ZNF438: variants seen among roughly 807,000 people sequenced by gnomAD.
ZNF438 encodes zinc finger protein 438.
Under a neutral mutation model 38.0 loss-of-function variants are expected in ZNF438, and 25 were observed. That is an observed-to-expected ratio of 0.66 (90% CI 0.48 to 0.92). The LOEUF is 0.92. Ranked by LOEUF, ZNF438 falls within the 40% of genes least tolerant of loss-of-function variation. ZNF438 has a pLI of 0.00. For synonymous variants in ZNF438, 372 were observed against 364.1 expected (o/e 1.02, Z -0.25); for missense variants, 1,007 against 999.6 (o/e 1.01, Z -0.10).
chr10:30,912,635 A>G (rs916336257), intron 2 of ZNF438, among the ~76,000 whole-genome samples: 2 of 152,148 alleles, frequency 1.3e-5, no homozygotes, highest in Non-Finnish European at 2.9e-5. Flanking sequence ...GATAAGGTGC[A>G]TGGGCTCTGG....
chr10:30,870,075 C>T (rs1311993941), intron 4 of ZNF438, among the ~76,000 whole-genome samples: 2 of 152,164 alleles, frequency 1.3e-5, no homozygotes, highest in African/African-American at 4.8e-5. Flanking sequence ...TGCACAAAGT[C>T]ATTTTATCTG....
At chr10:30,981,591 G>A (rs1180784785) in intron 1 of ZNF438, among the ~76,000 whole-genome samples, 1 of 152,074 alleles carries the variant, frequency 6.6e-6, no homozygotes, top group Admixed American at 6.6e-5. Flanking sequence ...CATAGAAAAT[G>A]TTCAGGCCGG....
At chr10:30,844,665 C>T (rs999220301) in exon 6 of ZNF438, 2 of 304,364 alleles carry the variant, frequency 6.6e-6, no homozygotes, top group Non-Finnish European at 1.2e-5. Context: ...GAAGAACAGC[C>T]TATATTCTGC....
intron 1 of ZNF438, among the ~76,000 whole-genome samples, chr10:31,002,489 T>C (rs1268532025): frequency 1.3e-5 from 2 of 152,248 alleles, no homozygotes; most frequent in Non-Finnish European, 2.9e-5. Context: ...CCTCTAATAC[T>C]GAGTCATCAA....
intron 4 of ZNF438, chr10:30,857,536 T>G: frequency 1.2e-4 from 71 of 578,906 alleles, no homozygotes; most frequent in Non-Finnish European, 2.0e-4. Flanking sequence ...ATTACAGGTA[T>G]GAGCCACCCC....
chr10:30,856,761 C>T (rs1166474926), intron 4 of ZNF438, among the ~76,000 whole-genome samples: 3 of 152,110 alleles, frequency 2.0e-5, no homozygotes, highest in Non-Finnish European at 2.9e-5. Flanking sequence ...ATAAAAGTGT[C>T]GCTCAGTAAA....
At chr10:30,995,080 T>G (rs932186891) in intron 1 of ZNF438, among the ~76,000 whole-genome samples, 6 of 150,326 alleles carry the variant, frequency 4.0e-5, no homozygotes, top group African/African-American at 1.5e-4. Context: ...AAAAAATAAA[T>G]AAATAATGGT....
chr10:30,916,119 G>C (rs2043602455), intron 2 of ZNF438, among the ~76,000 whole-genome samples: 1 of 151,938 alleles, frequency 6.6e-6, no homozygotes, highest in South Asian at 2.1e-4. Context: ...GATTTCAGTA[G>C]TTCTTCTAAT....
chr10:30,874,114 G>GTATATATATATATA (rs58422289), intron 4 of ZNF438, among the ~76,000 whole-genome samples: 31 of 80,262 alleles, frequency 3.9e-4, no homozygotes, highest in Admixed American at 4.9e-4. Context: ...GTGTGTGTGT[G>GTATATATATATATA]TATATATATA....
intron 4 of ZNF438, among the ~76,000 whole-genome samples, chr10:30,862,964 T>C (rs556925721): frequency 6.6e-6 from 1 of 152,378 alleles, no homozygotes; most frequent in African/African-American, 2.4e-5. Context: ...AAAAATGAAT[T>C]GTTTCACTGT....
chr10:30,868,782 T>C (rs2036897743), intron 4 of ZNF438, among the ~76,000 whole-genome samples: 2 of 152,374 alleles, frequency 1.3e-5, no homozygotes, highest in Middle Eastern at 3.4e-3. Flanking sequence ...TGTGTTCATG[T>C]CACTGGGGCT....
In ZNF438 at chr10:30,937,473, C is replaced by G. The variant is rs556164592; in HGVS notation, c.-115+4102G>C. The stretch of plus-strand genomic sequence containing the variant: ...TGCATATGTGGGAGGTTATTAAATG[C>G]TTTATAATGATTATGTTAAAGGTCA... On this transcript the variant is annotated intron_variant, in intron 2 of 5. Transcript: ENST00000413025. 3.9e-5 allele frequency among the ~76,000 whole-genome samples: 6 copies of G among 152,230 alleles called. No individual in the cohort carries two copies. The East Asian group carries it at 1.2e-3, about 29-fold the overall frequency.
intron 1 of ZNF438, among the ~76,000 whole-genome samples, chr10:30,976,828 A>C (rs2051415807): frequency 6.6e-6 from 1 of 152,168 alleles, no homozygotes; most frequent in Non-Finnish European, 1.5e-5. Flanking sequence ...TAACACATTA[A>C]CACATACACC....
intron 1 of ZNF438, among the ~76,000 whole-genome samples, chr10:31,029,851 G>A (rs1255953892): frequency 6.6e-6 from 1 of 152,178 alleles, no homozygotes; most frequent in African/African-American, 2.4e-5. Flanking sequence ...CACTCTCACT[G>A]TGTCTGGACC....
At chr10:30,969,003 G>A (rs1255856437) in intron 1 of ZNF438, among the ~76,000 whole-genome samples, 8 of 152,070 alleles carry the variant, frequency 5.3e-5, no homozygotes, top group Non-Finnish European at 1.0e-4. Flanking sequence ...ATGGGTTAGG[G>A]TAACAAAAAT....
intron 1 of ZNF438, among the ~76,000 whole-genome samples, chr10:30,986,435 A>C (rs1305683418): frequency 1.2e-4 from 19 of 152,334 alleles, no homozygotes; most frequent in Admixed American, 7.2e-4. Flanking sequence ...AGACTTGTTT[A>C]CCGTATGAGA....
At chr10:30,898,353 C>A (rs1306543505) in intron 3 of ZNF438, among the ~76,000 whole-genome samples, 1 of 152,126 alleles carries the variant, frequency 6.6e-6, no homozygotes, top group Non-Finnish European at 1.5e-5. Context: ...ATAACATCAT[C>A]TTAAGTGAAG....
chr10:31,026,482 A>T (rs2056951214), intron 1 of ZNF438, among the ~76,000 whole-genome samples: 1 of 152,266 alleles, frequency 6.6e-6, no homozygotes, highest in African/African-American at 2.4e-5. Context: ...CAACAGACAC[A>T]TGAAAAAATG....
chr10:30,931,413 T>A (rs1012183592), intron 2 of ZNF438, among the ~76,000 whole-genome samples: 2 of 152,244 alleles, frequency 1.3e-5, no homozygotes, highest in African/African-American at 4.8e-5. Flanking sequence ...TTTCTTTCAT[T>A]TGCAACTGAA....
Sources: gnomAD v4.1 joint callset for allele counts (sites outside exome capture counted in the v4.1 genomes callset) on GRCh38, gnomAD v4.1.1 for gene constraint, MANE v1.5 for transcripts, NCBI Gene and HGNC (gene_info 2026-07-23, HGNC 2026-07-21) for gene names.